MANSC1: variants seen among roughly 807,000 people sequenced by gnomAD.
MANSC1 encodes the protein MANSC domain containing 1.
Under a neutral mutation model 14.1 loss-of-function variants are expected in MANSC1, and 13 were observed. That is an observed-to-expected ratio of 0.92 (90% CI 0.60 to 1.46). MANSC1 has a LOEUF of 1.46. Ranked by LOEUF, MANSC1 falls within the 40% of genes most tolerant of loss-of-function variation. The pLI is 0.00. For synonymous variants in MANSC1, 227 were observed against 200.7 expected, an observed-to-expected ratio of 1.13 and a Z score of -1.11; for missense variants, 486 against 511.4, an observed-to-expected ratio of 0.95 and a Z score of 0.48.
chr12:12,338,420 C>T lies in MANSC1; in HGVS notation c.364G>A (p.Asp122Asn), dbSNP rs1327989522. ...AGAAAAAGTATAATGCTTTCATTAC[C>T]TGTAATTATCCTGTAACTCATAAGT... ...KGLMSYRIIT[D>N]FPSLTRNLPS... The change falls in exon 3 of 4, where the codon GAT becomes AAT. Residue 122 changes from aspartate (D) to asparagine (N), a missense_variant and splice_region_variant. Physicochemically the swap from Asp to Asn is conservative, Grantham distance 23 (BLOSUM62 1). Transcript: ENST00000535902. 4 of 1,583,652 alleles carry T rather than the reference C, an allele frequency of 2.5e-6. No individual in the cohort carries two copies. The highest frequency in any genetic ancestry group is 3.4e-6 in the Non-Finnish European group (4 of 1,169,516).
rs1187065101 is a variant in MANSC1 at position 12,343,148 on chromosome 12, T to C, written c.167A>G (p.Tyr56Cys). 2 of 1,613,964 alleles carry C rather than the reference T, an allele frequency of 1.2e-6. No individual in the cohort carries two copies. Among genetic ancestry groups the C allele is most frequent in the Non-Finnish European group, 1.7e-6 (2 of 1,179,934 alleles). The stretch of plus-strand genomic sequence containing the variant: ...AATGCAGTCTTCTTGAGTTGAAGTA[T>C]ATACGGGCTCATTGCCTCTGATTCC... ...SKGIRGNEPV[Y>C]TSTQEDCINS... The change falls in exon 2 of 4, where the codon TAT (tyrosine) becomes TGT (cysteine). Residue 56 changes from tyrosine (Y) to cysteine (C), a missense_variant. Transcript: ENST00000535902.
At chr12:12,334,736 T>C (rs115549711) in intron 3 of MANSC1, among the ~76,000 whole-genome samples, 1,548 of 152,334 alleles carry the variant, frequency 0.01, 32 homozygotes, top group African/African-American at 0.034. Flanking sequence ...ATTACAAAAG[T>C]AACAACACTC....
chr12:12,336,614 C>T (rs547828212), intron 3 of MANSC1, among the ~76,000 whole-genome samples: 1 of 152,176 alleles, frequency 6.6e-6, no homozygotes, highest in East Asian at 1.9e-4. Flanking sequence ...GCAGCTTTGA[C>T]CTCCTGGTCT....
intron 1 of MANSC1, among the ~76,000 whole-genome samples, chr12:12,346,188 G>T (rs1277501795): frequency 1.0e-5 from 1 of 96,646 alleles, no homozygotes; most frequent in Non-Finnish European, 2.4e-5. Context: ...CAGGAGAATG[G>T]CATGAACCCC....
chr12:12,344,685 G>T (rs1246169601), intron 1 of MANSC1, among the ~76,000 whole-genome samples: 2 of 150,114 alleles, frequency 1.3e-5, no homozygotes, highest in East Asian at 4.0e-4. Context: ...TGGCCAGGAT[G>T]ATCTCGATCT....
chr12:12,343,711 C>T (rs1388121130), intron 1 of MANSC1, among the ~76,000 whole-genome samples: 2 of 152,192 alleles, frequency 1.3e-5, no homozygotes, highest in African/African-American at 4.8e-5. Context: ...ATCCTTCCCT[C>T]TTCTAACTCA....
In MANSC1 at chr12:12,338,465, G is replaced by A. The variant is rs368806657; in HGVS notation, c.319C>T (p.Pro107Ser). Reference sequence around the variant, plus strand: ...ATAAGTCCTTTTGCTGGTTTCAATGGACAGGCTTCCTCGTTGGGACAGAAA... The same window carrying A: ...ATAAGTCCTTTTGCTGGTTTCAATGAACAGGCTTCCTCGTTGGGACAGAAA... ...LFFCPNEEAC[P>S]LKPAKGLMSY... The change falls in exon 3 of 4, where the codon CCA becomes TCA. Residue 107 changes from proline (P) to serine (S), a missense_variant. Physicochemically the swap from Pro to Ser is moderately conservative, Grantham distance 74. Coordinates refer to ENST00000535902, the MANE Select transcript of MANSC1 (RefSeq NM_018050.4). 1.9e-6 allele frequency: 3 copies of A among 1,612,482 alleles called. No homozygotes were observed. The highest frequency in any genetic ancestry group is 1.1e-5 in the South Asian group (1 of 90,712).
chr12:12,349,912 C>A (rs1289166780), intron 1 of MANSC1, among the ~76,000 whole-genome samples, 166 bp downstream of exon 1: 1 of 152,208 alleles, frequency 6.6e-6, no homozygotes, highest in Non-Finnish European at 1.5e-5. Context: ...AATACTGCAG[C>A]GACTCAAGGA....
At chr12:12,349,716 T>C (rs993027804) in intron 1 of MANSC1, among the ~76,000 whole-genome samples, 1 of 152,222 alleles carries the variant, frequency 6.6e-6, no homozygotes, top group Non-Finnish European at 1.5e-5. Flanking sequence ...CTACAGAGAA[T>C]TAGACAATTA....
Position 12,328,052 on chromosome 12 carries a change from C to G in MANSC1, c.*1975G>C, listed in dbSNP as rs1443294717. 6.6e-6 allele frequency: 1 copy of G among 152,178 alleles called. No individual in the cohort carries two copies. Among genetic ancestry groups the G allele is most frequent in the African/African-American group, 2.4e-5 (1 of 41,436 alleles). 9.4% of individuals were successfully genotyped at this position (152,178 alleles called of 1,614,324 possible). ...AATTCCATTTTTATCTTTAAAAACT[C>G]TGGTGACACTTGGAAGGGATCAAAT... is the stretch of plus-strand genomic sequence containing the variant. On this transcript the variant is annotated 3_prime_UTR_variant, in exon 4 of 4. Transcript: ENST00000535902.
chr12:12,338,509 T>C lies in MANSC1; in HGVS notation c.275A>G (p.Gln92Arg). Residue 92 changes from glutamine to arginine, a missense_variant, in exon 3 of 4, where the codon CAA becomes CGA. Physicochemically the swap from Gln to Arg is conservative, Grantham distance 43 (BLOSUM62 1). Coordinates refer to ENST00000535902, the MANE Select transcript of MANSC1 (RefSeq NM_018050.4). ...MIFDTRKTAR[Q>R]PNCYLFFCPN... Reference sequence around the variant, plus strand: ...ACAGAAAAATAGGTAGCAGTTGGGTTGTCTAGCTGTTTTTCGAGTGTCGAA... The same window carrying C: ...ACAGAAAAATAGGTAGCAGTTGGGTCGTCTAGCTGTTTTTCGAGTGTCGAA... 6.2e-7 allele frequency: 1 copy of C among 1,613,846 alleles called. No homozygotes were observed. Among genetic ancestry groups the C allele is most frequent in the Non-Finnish European group, 8.5e-7 (1 of 1,179,928 alleles).
intron 3 of MANSC1, 72 bp from the exon 4 acceptor site, chr12:12,331,030 A>ATATC: frequency 1.0e-6 from 1 of 975,940 alleles, no homozygotes; most frequent in Non-Finnish European, 1.5e-6. Context: ...AAATACAAAC[A>ATATC]TATCAGCTTG....
Position 12,329,882 on chromosome 12 carries a change from T to C in MANSC1, c.*145A>G. ...GCCTGGGCAACAAAGCAAGACTCTG[T>C]CTCCAAAAAAAAAAAAGGAAAGCAG... On this transcript the variant is annotated 3_prime_UTR_variant, in exon 4 of 4. Transcript: ENST00000535902. 3.0e-6 allele frequency: 2 copies of C among 670,948 alleles called. No individual in the cohort carries two copies. Among genetic ancestry groups the C allele is most frequent in the Admixed American group, 3.0e-5 (1 of 33,060 alleles). 41.6% of individuals were successfully genotyped at this position (670,948 alleles called of 1,614,324 possible).
At chr12:12,341,965 C>T (rs552532508) in intron 2 of MANSC1, among the ~76,000 whole-genome samples, 17 of 152,342 alleles carry the variant, frequency 1.1e-4, no homozygotes, top group South Asian at 4.1e-4. Context: ...GCGCTCCGTC[C>T]GGCCTGGGCA....
chr12:12,334,384 C>T, intron 3 of MANSC1, among the ~76,000 whole-genome samples: 1 of 152,058 alleles, frequency 6.6e-6, no homozygotes, highest in East Asian at 1.9e-4. Flanking sequence ...AATTTCACTC[C>T]AGGCAGGAGG....
At chr12:12,345,499 T>A (rs1862999328) in intron 1 of MANSC1, among the ~76,000 whole-genome samples, 1 of 152,140 alleles carries the variant, frequency 6.6e-6, no homozygotes, top group African/African-American at 2.4e-5. Context: ...AAGGAAAGTT[T>A]AGGGGCAGGT....
chr12:12,344,637 T>C (rs1432229954), intron 1 of MANSC1, among the ~76,000 whole-genome samples: 1 of 150,538 alleles, frequency 6.6e-6, no homozygotes, highest in Non-Finnish European at 1.5e-5. Flanking sequence ...GCCCGGCTGG[T>C]TTTTTGTATT....
At chr12:12,339,870 T>A (rs573455468) in intron 2 of MANSC1, among the ~76,000 whole-genome samples, 1 of 152,116 alleles carries the variant, frequency 6.6e-6, no homozygotes, top group East Asian at 1.9e-4. Context: ...TGCAGTGCAG[T>A]GGAACAATCA....
At chr12:12,344,874 G>A (rs1862984901) in intron 1 of MANSC1, among the ~76,000 whole-genome samples, 1 of 132,780 alleles carries the variant, frequency 7.5e-6, no homozygotes, top group South Asian at 2.4e-4. Context: ...ATGGCCTATT[G>A]TGGGGCCTTG....
Sources: gnomAD v4.1 joint callset for allele counts (sites outside exome capture counted in the v4.1 genomes callset) on GRCh38, gnomAD v4.1.1 for gene constraint, MANE v1.5 for transcripts, NCBI Gene and HGNC (gene_info 2026-07-23, HGNC 2026-07-21) for gene names.